Variants in ICA1 observed in about 807,000 individuals in gnomAD.
ICA1 encodes the protein islet cell autoantigen 1.
Under a neutral mutation model 71.0 loss-of-function variants are expected in ICA1, and 40 were observed. The observed-to-expected ratio is 0.56, with a 90% CI of 0.44 to 0.73. The LOEUF is 0.73. ICA1 is among the 30% of genes least tolerant of loss of function. The pLI is 0.00. For missense variants in ICA1, 578 were observed against 576.5 expected, an observed-to-expected ratio of 1.00 and a Z score of -0.03; for synonymous variants, 207 against 209.5, an observed-to-expected ratio of 0.99 and a Z score of 0.10.
chr7:8,182,634 CAT>C (rs781374485), intron 6 of ICA1, among the ~76,000 whole-genome samples: 8 of 152,058 alleles, frequency 5.3e-5, no homozygotes, highest in Non-Finnish European at 1.2e-4. Context: ...GTTGATAAAA[CAT>C]AAAATAAAAA....
At chr7:8,256,367 C>G (rs776239791) in intron 1 of ICA1, among the ~76,000 whole-genome samples, 89 of 152,232 alleles carry the variant, frequency 5.8e-4, no homozygotes, top group African/African-American at 1.9e-3. Context: ...TCCCTTCCCC[C>G]CAAATCTTAC....
chr7:8,241,216 C>T (rs930422980), intron 1 of ICA1, among the ~76,000 whole-genome samples: 2 of 152,206 alleles, frequency 1.3e-5, no homozygotes, highest in African/African-American at 4.8e-5. Context: ...TAGCAGATCT[C>T]TCAGCAGAAA....
At chr7:8,186,173 G>A (rs539613388) in intron 6 of ICA1, among the ~76,000 whole-genome samples, 1 of 152,340 alleles carries the variant, frequency 6.6e-6, no homozygotes, top group Non-Finnish European at 1.5e-5. Flanking sequence ...AAGGAACAGG[G>A]GGAGGAGACA....
Position 8,113,737 on chromosome 7 carries a change from C to G in ICA1, c.*186G>C. The G allele has an allele frequency of 1.7e-6, 1 of 599,016 alleles. No homozygotes were observed. Among genetic ancestry groups the G allele is most frequent in the Non-Finnish European group, 2.9e-6 (1 of 350,048 alleles). The allele number at this position is 599,016 out of a possible 1,614,324, so 37.1% of individuals were successfully genotyped here. A position where few individuals can be genotyped will look rare whatever the true frequency, so the allele number is the denominator to read the frequency against. On this transcript the variant is annotated 3_prime_UTR_variant, in exon 14 of 14. Coordinates refer to ENST00000402384, the MANE Select transcript of ICA1 (RefSeq NM_001136020.3). The surrounding 1 kb of genome is among the most constrained non-coding windows in gnomAD (Gnocchi z 4.2). ...TATTATTTAGATCCACATAGAGATA[C>G]ACGAAAACCCTTTATACCAAATAAG...
At chr7:8,219,583 T>C (rs1796431003) in intron 5 of ICA1, among the ~76,000 whole-genome samples, 1 of 152,256 alleles carries the variant, frequency 6.6e-6, no homozygotes, top group Non-Finnish European at 1.5e-5. Context: ...AGTACTTGTA[T>C]AAGAATAACC....
At chr7:8,181,018 G>A (rs1782051976) in intron 6 of ICA1, among the ~76,000 whole-genome samples, 2 of 152,034 alleles carry the variant, frequency 1.3e-5, no homozygotes, top group African/African-American at 4.8e-5. Context: ...CTTTTATGGT[G>A]GTGCAGTTTG....
Position 8,159,689 on chromosome 7 carries a change from G to A in ICA1, c.580-1037C>T, listed in dbSNP as rs555639524. Among the ~76,000 whole-genome samples, 648 of 152,158 alleles carry A rather than the reference G, an allele frequency of 4.3e-3. 4 individuals are homozygous for A. Among genetic ancestry groups the A allele is most frequent in the Middle Eastern group, 0.024 (7 of 294 alleles). ...CACCCCAGCCTGGGTGACAGTGAGA[G>A]CCTGTCTCAAAAAAAACAAACAAAT... On this transcript the variant is annotated intron_variant, in intron 6 of 13. Transcript: ENST00000402384.
chr7:8,239,201 A>C (rs1413634492), intron 1 of ICA1, among the ~76,000 whole-genome samples: 7 of 152,244 alleles, frequency 4.6e-5, no homozygotes, highest in Non-Finnish European at 1.0e-4. Context: ...ATTAATAAAC[A>C]TCTTAAGATT....
chr7:8,214,097 C>A (rs951207446), intron 6 of ICA1, among the ~76,000 whole-genome samples: 2 of 152,166 alleles, frequency 1.3e-5, no homozygotes, highest in African/African-American at 4.8e-5. Flanking sequence ...CTATAAATGC[C>A]CACGTATACA....
intron 13 of ICA1, among the ~76,000 whole-genome samples, chr7:8,120,190 G>C (rs561004203): frequency 9.2e-5 from 14 of 152,282 alleles, no homozygotes; most frequent in African/African-American, 3.1e-4. Context: ...CGTAGTGTGA[G>C]GCAGAAACAA....
At chr7:8,215,345 C>T (rs943237824) in intron 6 of ICA1, among the ~76,000 whole-genome samples, 12 of 152,292 alleles carry the variant, frequency 7.9e-5, no homozygotes, top group African/African-American at 2.9e-4. Flanking sequence ...TGCTTCTACT[C>T]CTTCTACCCA....
At chr7:8,243,083 T>C (rs1804582026) in intron 1 of ICA1, among the ~76,000 whole-genome samples, 1 of 152,208 alleles carries the variant, frequency 6.6e-6, no homozygotes, top group South Asian at 2.1e-4. Flanking sequence ...AGCATCATCC[T>C]GATACCAAAG....
chr7:8,150,625 G>A (rs897108857), intron 8 of ICA1, among the ~76,000 whole-genome samples: 1 of 152,252 alleles, frequency 6.6e-6, no homozygotes, highest in Non-Finnish European at 1.5e-5. Context: ...CAGCCAGCAT[G>A]TAGTGACCTT....
intron 12 of ICA1, among the ~76,000 whole-genome samples, chr7:8,131,238 G>A (rs75347085): frequency 4.6e-5 from 7 of 152,166 alleles, no homozygotes; most frequent in African/African-American, 7.2e-5. Flanking sequence ...TTGTCTAAGC[G>A]CCTGGATCCA....
chr7:8,141,598 G>A (rs1795253221), intron 10 of ICA1, among the ~76,000 whole-genome samples, 167 bp downstream of exon 10: 1 of 152,138 alleles, frequency 6.6e-6, no homozygotes, highest in South Asian at 2.1e-4. Flanking sequence ...GGGTTGACAT[G>A]GTGGATATCT....
At chr7:8,179,155 C>T (rs143301195) in intron 6 of ICA1, among the ~76,000 whole-genome samples, 75 of 152,288 alleles carry the variant, frequency 4.9e-4, no homozygotes, top group African/African-American at 1.8e-3. Context: ...TGTTGTCACC[C>T]GAGTCTCTAA....
intron 13 of ICA1, among the ~76,000 whole-genome samples, chr7:8,121,740 T>C (rs1787044352): frequency 6.6e-6 from 1 of 152,100 alleles, no homozygotes; most frequent in Admixed American, 6.5e-5. Context: ...CATTTAAAAA[T>C]AACCCAAAGA....
intron 1 of ICA1, among the ~76,000 whole-genome samples, chr7:8,255,347 G>C (rs139215422): frequency 6.6e-4 from 100 of 152,160 alleles, no homozygotes; most frequent in Admixed American, 5.4e-3. Flanking sequence ...TTCCTTTCTT[G>C]AAATGCTCCT....
chr7:8,191,372 C>T (rs1388395488), intron 6 of ICA1, among the ~76,000 whole-genome samples: 1 of 152,174 alleles, frequency 6.6e-6, no homozygotes, highest in Non-Finnish European at 1.5e-5. Context: ...GATGCAAAAG[C>T]AACATGTATT....
Sources: gnomAD v4.1 joint callset for allele counts (sites outside exome capture counted in the v4.1 genomes callset) on GRCh38, gnomAD v4.1.1 for gene constraint, Gnocchi (gnomAD v3.1) non-coding constraint, MANE v1.5 for transcripts, NCBI Gene and HGNC (gene_info 2026-07-23, HGNC 2026-07-21) for gene names.